The following JMJD1C variants were observed in gnomAD, a reference collection of about 807,000 sequenced individuals.
JMJD1C encodes jumonji domain-containing protein 1C.
In JMJD1C, 31 loss-of-function variants were observed where a neutral mutation model predicts 245.3. The observed-to-expected ratio is 0.13, with a 90% CI of 0.09 to 0.17. The LOEUF is 0.17. Ranked by LOEUF, JMJD1C falls within the 10% of genes least tolerant of loss-of-function variation. JMJD1C has a pLI of 1.00. For missense variants in JMJD1C, 2,691 were observed against 3,000.2 expected (o/e 0.90, Z 2.41); for synonymous variants, 1,057 against 1,017.4 (o/e 1.04, Z -0.74).
chr10:63,271,510 T>C (rs1458998838), intron 2 of JMJD1C, among the ~76,000 whole-genome samples: 1 of 152,088 alleles, frequency 6.6e-6, no homozygotes, highest in Non-Finnish European at 1.5e-5. Context: ...TGTATCCCTA[T>C]GGAGAAATCT....
chr10:63,324,983 T>C (rs1466361507), intron 2 of JMJD1C, among the ~76,000 whole-genome samples: 4 of 152,210 alleles, frequency 2.6e-5, no homozygotes, highest in Admixed American at 6.5e-5. Context: ...AAAGCCATCA[T>C]AGGTGGCCTT....
intron 3 of JMJD1C, chr10:63,222,684 A>T (rs912449980): frequency 9.7e-6 from 15 of 1,541,696 alleles, no homozygotes; most frequent in Non-Finnish European, 1.3e-5. Flanking sequence ...CATTCATTTG[A>T]TGGTACCAAA....
intron 2 of JMJD1C, among the ~76,000 whole-genome samples, chr10:63,337,664 A>G (rs1358263817): frequency 1.3e-5 from 2 of 151,670 alleles, no homozygotes; most frequent in Non-Finnish European, 2.9e-5. Context: ...TCCTCACAGT[A>G]ATCCACTAAC....
intron 1 of JMJD1C, among the ~76,000 whole-genome samples, chr10:63,401,250 C>G (rs557255600): frequency 6.6e-6 from 1 of 152,140 alleles, no homozygotes; most frequent in Non-Finnish European, 1.5e-5. Flanking sequence ...ACATTTCTCT[C>G]TAATTCCAGT....
chr10:63,401,019 C>T (rs547422762), intron 1 of JMJD1C, among the ~76,000 whole-genome samples: 4 of 151,948 alleles, frequency 2.6e-5, no homozygotes, highest in South Asian at 2.1e-4. Context: ...CCACCACACC[C>T]GGCTAATTTT....
At chr10:63,519,254 T>C (rs1955126495) in intron 1 of JMJD1C, among the ~76,000 whole-genome samples, 1 of 152,202 alleles carries the variant, frequency 6.6e-6, no homozygotes, top group African/African-American at 2.4e-5. Context: ...CAGCCAGCCA[T>C]CCTACCTAGG....
chr10:63,222,628 G>C (rs1006917592), intron 3 of JMJD1C: 1 of 1,580,956 alleles, frequency 6.3e-7, no homozygotes, highest in African/African-American at 1.3e-5. Context: ...CTGAATTTTT[G>C]GACATAATTA....
chr10:63,459,363 G>T (rs150230580), intron 1 of JMJD1C, among the ~76,000 whole-genome samples: 25 of 152,132 alleles, frequency 1.6e-4, no homozygotes, highest in African/African-American at 4.3e-4. Flanking sequence ...TATAAACTAG[G>T]GTTTATGATA....
rs190081862 is a variant in JMJD1C, at chr10:63,289,975, A to T, written c.334-25211T>A. ...CACAGAAGTTAAAAAAATTTAAAGG[A>T]AAGATTAATGAAAGGTGAACAAAAT... On this transcript the variant is annotated intron_variant, in intron 2 of 25. Transcript: ENST00000399262. Among the ~76,000 whole-genome samples the T allele has an allele frequency of 3.4e-4, 52 of 152,222 alleles. No homozygotes were observed. In the East Asian group the frequency reaches 7.9e-3, roughly 23 times the overall value.
intron 3 of JMJD1C, among the ~76,000 whole-genome samples, chr10:63,220,573 C>T (rs1251027604): frequency 1.3e-5 from 2 of 152,196 alleles, no homozygotes; most frequent in Non-Finnish European, 2.9e-5. Context: ...GATGGTATTA[C>T]TCTCATAACA....
intron 1 of JMJD1C, among the ~76,000 whole-genome samples, chr10:63,482,167 A>T (rs1953850962): frequency 6.6e-6 from 1 of 152,192 alleles, no homozygotes; most frequent in Non-Finnish European, 1.5e-5. Flanking sequence ...TGAGGAAAAA[A>T]AAATTGGTTT....
intron 1 of JMJD1C, among the ~76,000 whole-genome samples, chr10:63,437,410 C>A (rs892760915): frequency 2.0e-5 from 3 of 152,172 alleles, no homozygotes; most frequent in African/African-American, 7.2e-5. Context: ...CTACCTACAG[C>A]TATTCTCAAA....
rs71025143 is a variant in JMJD1C, at chr10:63,281,309, GTTT to G, written c.334-16548_334-16546del. Among the ~76,000 whole-genome samples, 610 of 144,780 alleles carry G rather than the reference GTTT, an allele frequency of 4.2e-3. 7 individuals are homozygous for G. In the East Asian group the frequency reaches 0.048, roughly 11 times the overall value. The allele number at this position is 144,780 out of a possible 152,430, so 95.0% of individuals were successfully genotyped here. On this transcript the variant is annotated intron_variant, in intron 2 of 25. Transcript: ENST00000399262. ...GCCACCATGCCCGGCTAATTTTTCT[GTTT>G]TTTTTTTTTGTTTGTTTTTTGTTTT...
intron 1 of JMJD1C, among the ~76,000 whole-genome samples, chr10:63,477,034 G>A (rs950359116): frequency 6.6e-6 from 1 of 152,098 alleles, no homozygotes; most frequent in Non-Finnish European, 1.5e-5. Context: ...AAATTGCTAA[G>A]AGACACAAAC....
rs200016210 is a variant in JMJD1C, at chr10:63,215,047, C to G, written c.1120G>C (p.Asp374His). Residue 374 changes from aspartate to histidine, a missense_variant, in exon 8 of 26, where the codon GAC becomes CAC. Asp to His is a moderately conservative substitution (Grantham distance 81). Coordinates refer to ENST00000399262, the MANE Select transcript of JMJD1C (RefSeq NM_032776.3). ...MKRLRTDNVS[D>H]FSESSDSENS... ...TCTGAGTCACTGCTCTCAGAAAAGT[C>G]TGAAACATTGTCAGTTCGAAGTCTT... is the stretch of plus-strand genomic sequence containing the variant. The G allele has an allele frequency of 5.9e-4, 955 of 1,608,128 alleles. 1 individual carries two copies. Among genetic ancestry groups the G allele is most frequent in the Non-Finnish European group, 7.1e-4 (837 of 1,177,812 alleles).
chr10:63,366,669 A>C (rs1945867836), intron 2 of JMJD1C, among the ~76,000 whole-genome samples: 1 of 152,202 alleles, frequency 6.6e-6, no homozygotes, highest in Non-Finnish European at 1.5e-5. Context: ...GCTGTGCTAT[A>C]ATCATTTAAT....
intron 3 of JMJD1C, among the ~76,000 whole-genome samples, chr10:63,239,195 A>G (rs937596645): frequency 7.9e-5 from 12 of 152,222 alleles, no homozygotes; most frequent in African/African-American, 2.9e-4. Context: ...ATACGCAAGA[A>G]TAGATGGGTG....
chr10:63,231,015 A>G (rs1314341445), intron 3 of JMJD1C, among the ~76,000 whole-genome samples: 1 of 152,206 alleles, frequency 6.6e-6, no homozygotes, highest in South Asian at 2.1e-4. Context: ...TAAGTTTTTA[A>G]GTTGTAAGCA....
rs1303862438 is a variant in JMJD1C, at chr10:63,215,493, G to A, written c.823-38C>T. The A allele has an allele frequency of 5.6e-6, 9 of 1,611,830 alleles. No individual in the cohort carries two copies. The South Asian group carries it at 9.9e-5, about 18-fold the overall frequency. On this transcript the variant is annotated intron_variant, in intron 6 of 25. Coordinates refer to ENST00000399262, the MANE Select transcript of JMJD1C (RefSeq NM_032776.3). ...AATTAACAGTAATTGTTTACTACCT[G>A]GTTTCTACTAGCCTAAGGAAAAATA...
Sources: gnomAD v4.1 joint callset for allele counts (sites outside exome capture counted in the v4.1 genomes callset) on GRCh38, gnomAD v4.1.1 for gene constraint, MANE v1.5 for transcripts, NCBI Gene and HGNC (gene_info 2026-07-23, HGNC 2026-07-21) for gene names.